ADARB1: variants seen among roughly 807,000 people sequenced by gnomAD.
ADARB1 encodes double-stranded RNA-specific editase 1.
Under a neutral mutation model 52.4 loss-of-function variants are expected in ADARB1, and 10 were observed. The observed-to-expected ratio is 0.19, with a 90% CI of 0.12 to 0.32. The LOEUF is 0.32. Among genes scored for constraint, ADARB1 ranks in the 10% least tolerant of loss-of-function variants. The pLI is 1.00. For missense variants in ADARB1, 643 were observed against 922.3 expected (o/e 0.70, Z 3.92); for synonymous variants, 349 against 371.1 (o/e 0.94, Z 0.68).
chr21:45,107,424 A>G (rs1420625767), intron 1 of ADARB1, among the ~76,000 whole-genome samples: 1 of 152,238 alleles, frequency 6.6e-6, no homozygotes, highest in African/African-American at 2.4e-5. Flanking sequence ...AGAAAGAGCC[A>G]AGAAAAGGAG....
At chr21:45,086,057 G>A (rs889171978) in intron 1 of ADARB1, among the ~76,000 whole-genome samples, 4 of 152,182 alleles carry the variant, frequency 2.6e-5, no homozygotes, top group Non-Finnish European at 4.4e-5. Flanking sequence ...TTGAGCTACG[G>A]TGTAGAATGG....
Position 45,223,904 on chromosome 21 carries a change from A to G in ADARB1, c.*1707A>G, listed in dbSNP as rs983505264. 5.1e-6 allele frequency: 5 copies of G among 985,400 alleles called. No individual in the cohort carries two copies. The highest frequency in any genetic ancestry group is 6.0e-6 in the Non-Finnish European group (5 of 830,106). The allele number at this position is 985,400 out of a possible 1,614,324, so 61.0% of individuals were successfully genotyped here. A position where few individuals can be genotyped will look rare whatever the true frequency, so the allele number is the denominator to read the frequency against. Reference sequence around the variant, plus strand: ...CATGACCGGGTTCAGCGGCTAGAACATCTGCCCCACAGCAGCCTCCTCCTC... The same window carrying G: ...CATGACCGGGTTCAGCGGCTAGAACGTCTGCCCCACAGCAGCCTCCTCCTC... On this transcript the variant is annotated 3_prime_UTR_variant, in exon 11 of 11. Transcript: ENST00000348831.
chr21:45,152,628 G>T (rs1206573463), intron 2 of ADARB1: 1 of 449,392 alleles, frequency 2.2e-6, no homozygotes, highest in South Asian at 1.6e-5. Flanking sequence ...TCCACCACTG[G>T]GCCTTTGCAC....
At chr21:45,203,948 T>C (rs1169443324) in intron 8 of ADARB1, among the ~76,000 whole-genome samples, 2 of 152,192 alleles carry the variant, frequency 1.3e-5, no homozygotes. Context: ...TTAGACACAG[T>C]AAGAAATTAA....
rs1391637624 is a variant in ADARB1, at chr21:45,204,159, G to A, written c.1566-396G>A. Among the ~76,000 whole-genome samples the A allele has an allele frequency of 6.6e-6, 1 of 152,170 alleles. No individual in the cohort carries two copies. The highest frequency in any genetic ancestry group is 2.1e-4 in the South Asian group (1 of 4,824). ...GAAAGTCTGGAAGTGTTTATTTCTG[G>A]AATTTTTCATTTAATATCTTCAGAT... is the stretch of plus-strand genomic sequence containing the variant. On this transcript the variant is annotated intron_variant, in intron 8 of 10. Transcript: ENST00000348831. The surrounding 1 kb of genome is among the most constrained non-coding windows in gnomAD (Gnocchi z 4.4).
chr21:45,197,516 A>AT (rs1466953300), intron 8 of ADARB1, among the ~76,000 whole-genome samples: 1 of 150,902 alleles, frequency 6.6e-6, no homozygotes, highest in East Asian at 1.9e-4. Flanking sequence ...AAAAAAAAAA[A>AT]GTTACAGATA....
intron 1 of ADARB1, chr21:45,100,816 CAGG>C (rs1037448012): frequency 1.3e-5 from 2 of 152,752 alleles, no homozygotes; most frequent in African/African-American, 4.8e-5. Flanking sequence ...GGCGTCCCTA[CAGG>C]AGAATGGGCC....
chr21:45,121,575 C>T (rs2088191629), intron 1 of ADARB1, among the ~76,000 whole-genome samples: 1 of 152,152 alleles, frequency 6.6e-6, no homozygotes, highest in African/African-American at 2.4e-5. Context: ...TGAGAGCTCC[C>T]ATGCTTTTGG....
At chr21:45,138,260 G>A (rs1448945922) in intron 2 of ADARB1, among the ~76,000 whole-genome samples, 1 of 152,198 alleles carries the variant, frequency 6.6e-6, no homozygotes, top group Non-Finnish European at 1.5e-5. Flanking sequence ...ATTTAGCTCC[G>A]TGACGTTTCT....
At chr21:45,175,564 A>G (rs969721233) in intron 3 of ADARB1, among the ~76,000 whole-genome samples, 166 bp from the exon 4 acceptor site, 1 of 152,248 alleles carries the variant, frequency 6.6e-6, no homozygotes, top group African/African-American at 2.4e-5. Flanking sequence ...TGAGGCTGAT[A>G]GTTCTTTAAC....
intron 8 of ADARB1, among the ~76,000 whole-genome samples, chr21:45,188,660 G>T (rs2092189868): frequency 1.3e-5 from 2 of 151,736 alleles, no homozygotes; most frequent in African/African-American, 4.8e-5. Flanking sequence ...TTTGATTGGG[G>T]AGTTTATTCA....
chr21:45,124,814 T>A (rs1055366465), intron 1 of ADARB1, among the ~76,000 whole-genome samples: 11 of 151,338 alleles, frequency 7.3e-5, no homozygotes, highest in African/African-American at 2.7e-4. Context: ...TGTGTGTGTG[T>A]GTGACAGGGT....
intron 1 of ADARB1, among the ~76,000 whole-genome samples, chr21:45,078,836 C>T (rs1030750707): frequency 2.0e-5 from 3 of 152,206 alleles, no homozygotes; most frequent in Non-Finnish European, 4.4e-5. Context: ...ATATGCCAGG[C>T]TGTTTTAAGA....
At chr21:45,140,929 C>G (rs1377163805) in intron 2 of ADARB1, among the ~76,000 whole-genome samples, 1 of 152,100 alleles carries the variant, frequency 6.6e-6, no homozygotes, top group East Asian at 1.9e-4. Flanking sequence ...GGTGCTCAAG[C>G]CTATAATCCT....
chr21:45,219,650 T>C (rs1308306824), intron 9 of ADARB1, among the ~76,000 whole-genome samples: 1 of 152,032 alleles, frequency 6.6e-6, no homozygotes, highest in Non-Finnish European at 1.5e-5. Context: ...CAAAAAGAAG[T>C]CAGAAGGAGC....
chr21:45,176,463 G>A lies in ADARB1; in HGVS notation c.762G>A (p.Glu254=). ...GACTCAAGTATGACTTCCTCTCCGA[G>A]AGCGGGGAGAGCCATGCCAAGAGCT... is the stretch of plus-strand genomic sequence containing the variant. ...RPGLKYDFLS[E]SGESHAKSFV... The change falls in exon 4 of 11, where the codon GAG becomes GAA. Residue 254 remains glutamate (E), a synonymous_variant. Coordinates refer to ENST00000348831, the MANE Select transcript of ADARB1 (RefSeq NM_001112.4). The surrounding 1 kb of genome is among the most constrained non-coding windows in gnomAD (Gnocchi z 5.8). 6.2e-7 allele frequency: 1 copy of A among 1,614,192 alleles called. No homozygotes were observed. Among genetic ancestry groups the A allele is most frequent in the Non-Finnish European group, 8.5e-7 (1 of 1,180,042 alleles).
intron 5 of ADARB1, among the ~76,000 whole-genome samples, chr21:45,181,770 C>T (rs905177557): frequency 4.6e-5 from 7 of 152,220 alleles, no homozygotes; most frequent in East Asian, 1.9e-4. Context: ...AGGGGGCTCC[C>T]GCTGGTTGAG....
chr21:45,207,311 CA>C (rs2092685326), intron 9 of ADARB1, among the ~76,000 whole-genome samples: 1 of 152,174 alleles, frequency 6.6e-6, no homozygotes. Context: ...TTCAGATCAG[CA>C]AAGCAAGTAG....
At position 45,142,800 on chromosome 21, in the gene ADARB1, T is replaced by G. The variant is rs1400141363; in HGVS notation, c.-48+14227T>G. On this transcript the variant is annotated intron_variant, in intron 2 of 10. Coordinates refer to ENST00000348831, the MANE Select transcript of ADARB1 (RefSeq NM_001112.4). This position sits in a 1 kb window ranked among gnomAD's most constrained non-coding sequence, Gnocchi z 4.0. ...CTCCGTCATGTGTTTTGCAGGGGGA[T>G]CTGAGGGGCCCAGAAGGTAAGAAAT... Among the ~76,000 whole-genome samples, 1 of 152,094 alleles carries G rather than the reference T, an allele frequency of 6.6e-6. No homozygotes were observed. Among genetic ancestry groups the G allele is most frequent in the East Asian group, 1.9e-4 (1 of 5,186 alleles).
Sources: gnomAD v4.1 joint callset for allele counts (sites outside exome capture counted in the v4.1 genomes callset) on GRCh38, gnomAD v4.1.1 for gene constraint, Gnocchi (gnomAD v3.1) non-coding constraint, MANE v1.5 for transcripts, NCBI Gene and HGNC (gene_info 2026-07-23, HGNC 2026-07-21) for gene names.